Variants in ASAP2 observed in about 807,000 individuals in gnomAD.
The protein encoded by ASAP2 is ArfGAP with SH3 domain, ankyrin repeat and PH domain 2.
In ASAP2, 45 loss-of-function variants were observed where a neutral mutation model predicts 131.4. The observed-to-expected ratio is 0.34, with a 90% CI of 0.27 to 0.44. The LOEUF (loss-of-function observed/expected upper bound fraction) is 0.44, where lower values mean the gene tolerates loss of function less well. ASAP2 is among the 20% of genes least tolerant of loss of function. The pLI, the probability that ASAP2 is intolerant of heterozygous loss-of-function variation, is 1.00. For missense variants in ASAP2, 1,011 were observed against 1,297.0 expected, an observed-to-expected ratio of 0.78 and a Z score of 3.39; for synonymous variants, 510 against 503.0, an observed-to-expected ratio of 1.01 and a Z score of -0.19.
At chr2:9,333,438 TA>T (rs1489778406) in intron 7 of ASAP2, among the ~76,000 whole-genome samples, 2 of 152,216 alleles carry the variant, frequency 1.3e-5, no homozygotes, top group Non-Finnish European at 2.9e-5. Flanking sequence ...AGGCCTCTTA[TA>T]GGGGAATAAC....
chr2:9,265,925 A>G (rs1665908431), intron 1 of ASAP2, among the ~76,000 whole-genome samples: 1 of 152,104 alleles, frequency 6.6e-6, no homozygotes, highest in African/African-American at 2.4e-5. Context: ...GGCGCGTGCC[A>G]CCATGCCCAG....
At chr2:9,319,534 A>G (rs1670021694) in intron 4 of ASAP2, among the ~76,000 whole-genome samples, 1 of 152,332 alleles carries the variant, frequency 6.6e-6, no homozygotes, top group African/African-American at 2.4e-5. Context: ...GCGCACAGGG[A>G]GCAGGGCTCA....
At chr2:9,317,164 ACT>A (rs1458535920) in intron 3 of ASAP2, among the ~76,000 whole-genome samples, 104 of 99,072 alleles carry the variant, frequency 1.0e-3, no homozygotes, top group African/African-American at 3.2e-3. Context: ...TCACATCCAC[ACT>A]CTCACCACAC....
intron 1 of ASAP2, among the ~76,000 whole-genome samples, chr2:9,242,082 C>T (rs1664009468): frequency 6.6e-6 from 1 of 152,154 alleles, no homozygotes; most frequent in Non-Finnish European, 1.5e-5. Flanking sequence ...TAACATGTAC[C>T]TCACAGGCGT....
chr2:9,208,359 G>A (rs1478843656), intron 1 of ASAP2, among the ~76,000 whole-genome samples: 1 of 127,244 alleles, frequency 7.9e-6, no homozygotes, highest in African/African-American at 2.9e-5. Context: ...GTGGGGGGGT[G>A]GGTGTCACCA....
intron 15 of ASAP2, among the ~76,000 whole-genome samples, chr2:9,362,336 T>A (rs1673157034): frequency 6.6e-6 from 1 of 152,228 alleles, no homozygotes; most frequent in African/African-American, 2.4e-5. Flanking sequence ...GCATCTCTCC[T>A]CTTTTGGGTA....
At chr2:9,372,983 T>C (rs1391367307) in intron 16 of ASAP2, among the ~76,000 whole-genome samples, 1 of 152,134 alleles carries the variant, frequency 6.6e-6, no homozygotes, top group Non-Finnish European at 1.5e-5. Context: ...AATGCTGTTA[T>C]TCGAGGGCCT....
chr2:9,375,339 C>T (rs1674319503), intron 17 of ASAP2, among the ~76,000 whole-genome samples: 1 of 151,888 alleles, frequency 6.6e-6, no homozygotes, highest in Non-Finnish European at 1.5e-5. Context: ...CAGTACTGAC[C>T]AAAGCTGGGT....
intron 25 of ASAP2, 78 bp from the exon 26 acceptor site, chr2:9,400,664 C>A: frequency 7.5e-7 from 1 of 1,327,462 alleles, no homozygotes; most frequent in Non-Finnish European, 1.1e-6. Flanking sequence ...TCAGACACAC[C>A]CTGTGGCTTG....
intron 1 of ASAP2, among the ~76,000 whole-genome samples, chr2:9,254,208 CAAAAAAAAAA>C (rs1167547534): frequency 0.019 from 302 of 15,574 alleles, 13 homozygotes; most frequent in East Asian, 0.15. Context: ...GAGACTGTCT[CAAAAAAAAAA>C]AAAAAAAAAA....
At chr2:9,366,732 C>T (rs1475915304) in intron 15 of ASAP2, among the ~76,000 whole-genome samples, 4 of 152,112 alleles carry the variant, frequency 2.6e-5, no homozygotes, top group East Asian at 1.9e-4. Context: ...TGCTTTGGGC[C>T]GCCTAGAAAA....
intron 6 of ASAP2, among the ~76,000 whole-genome samples, 196 bp downstream of exon 6, chr2:9,323,446 C>T (rs1670279674): frequency 6.6e-6 from 1 of 152,232 alleles, no homozygotes; most frequent in Admixed American, 6.5e-5. Flanking sequence ...GTTACTTTAA[C>T]ACCAACATTT....
chr2:9,265,521 C>A (rs2709584), intron 1 of ASAP2, among the ~76,000 whole-genome samples: 83,207 of 151,888 alleles, frequency 0.55, 23,987 homozygotes, highest in African/African-American at 0.74. Context: ...TTCTTTAATT[C>A]GAAAAAATTA....
At chr2:9,239,912 T>G (rs2709565) in intron 1 of ASAP2, among the ~76,000 whole-genome samples, 84,051 of 151,590 alleles carry the variant, frequency 0.55, 24,559 homozygotes, top group African/African-American at 0.75. Flanking sequence ...TAGAGATGAG[T>G]TTTTGTCATG....
intron 9 of ASAP2, among the ~76,000 whole-genome samples, chr2:9,337,547 G>GT (rs138197009): frequency 0.02 from 3,102 of 152,258 alleles, 106 homozygotes; most frequent in African/African-American, 0.071. Context: ...CCCTCCCTGT[G>GT]TAATAACAGT....
intron 1 of ASAP2, among the ~76,000 whole-genome samples, chr2:9,235,531 G>A (rs571354182): frequency 7.2e-5 from 11 of 152,304 alleles, no homozygotes; most frequent in African/African-American, 2.6e-4. Context: ...AGGCTCCTTG[G>A]TGGGCTGATT....
chr2:9,395,545 G>GT (rs1302928129), intron 24 of ASAP2, among the ~76,000 whole-genome samples: 1 of 124,290 alleles, frequency 8.0e-6, no homozygotes, highest in East Asian at 2.6e-4. Flanking sequence ...GCACTACTGT[G>GT]TTTTTGTTTT....
chr2:9,320,607 C>T (rs1670092350), intron 5 of ASAP2, among the ~76,000 whole-genome samples: 1 of 152,172 alleles, frequency 6.6e-6, no homozygotes, highest in Non-Finnish European at 1.5e-5. Flanking sequence ...AAGTTAAGAC[C>T]AATTTCTCTT....
At chr2:9,295,479 T>G (rs1668095576) in intron 2 of ASAP2, among the ~76,000 whole-genome samples, 1 of 152,256 alleles carries the variant, frequency 6.6e-6, no homozygotes, top group South Asian at 2.1e-4. Context: ...TACCTGATTC[T>G]TTCATTCTTC....
Sources: allele counts gnomAD v4.1 joint callset (sites outside exome capture counted in the v4.1 genomes callset), GRCh38; gene constraint gnomAD v4.1.1; transcripts MANE v1.5; gene names NCBI Gene and HGNC (gene_info 2026-07-23, HGNC 2026-07-21).